The following PAX5 variants were observed in gnomAD, a reference collection of about 807,000 sequenced individuals.
The protein encoded by PAX5 is paired box 5.
Under a neutral mutation model 43.7 loss-of-function variants are expected in PAX5, and 9 were observed. That is an observed-to-expected ratio of 0.21 (90% CI 0.12 to 0.36). PAX5 has a LOEUF of 0.36. Ranked by LOEUF, PAX5 falls within the 10% of genes least tolerant of loss-of-function variation. The pLI, the probability that PAX5 is intolerant of heterozygous loss-of-function variation, is 1.00. For missense variants in PAX5, 383 were observed against 532.7 expected (o/e 0.72, Z 2.77); for synonymous variants, 228 against 214.3 (o/e 1.06, Z -0.56).
At chr9:36,991,863 T>C (rs996686565) in intron 5 of PAX5, among the ~76,000 whole-genome samples, 2 of 152,210 alleles carry the variant, frequency 1.3e-5, no homozygotes, top group Non-Finnish European at 1.5e-5. Context: ...TTTCCTCTCA[T>C]AGATCAGTTA....
chr9:36,944,650 C>T (rs901421017), intron 6 of PAX5, among the ~76,000 whole-genome samples: 3 of 152,108 alleles, frequency 2.0e-5, no homozygotes, highest in Non-Finnish European at 4.4e-5. Context: ...GAATTTCTCC[C>T]CAAAACCCCC....
intron 8 of PAX5, among the ~76,000 whole-genome samples, chr9:36,870,114 A>G (rs200142091): frequency 9.3e-4 from 7 of 7,554 alleles, no homozygotes; most frequent in Non-Finnish European, 1.2e-3. Flanking sequence ...ATGGATGGAT[A>G]AATGGATGGA....
chr9:36,960,485 G>A (rs1282585810), intron 6 of PAX5, among the ~76,000 whole-genome samples: 1 of 152,168 alleles, frequency 6.6e-6, no homozygotes, highest in Non-Finnish European at 1.5e-5. Context: ...GGGCGTGATG[G>A]GGATGAAGGT....
intron 6 of PAX5, among the ~76,000 whole-genome samples, chr9:36,937,049 G>A (rs1383654928): frequency 4.6e-5 from 7 of 152,114 alleles, no homozygotes; most frequent in Admixed American, 4.6e-4. Flanking sequence ...GAAAGAGAAG[G>A]CTGCAAAGGC....
At position 36,837,228 on chromosome 9, in the gene PAX5, C is replaced by T. The variant is rs1225933608; in HGVS notation, c.*3332G>A. ...CGTGAGAGCCCCAAATGTCAATTTC[C>T]CCGTCTATAAAGTAGGCATCATGCT... is the stretch of plus-strand genomic sequence containing the variant. On this transcript the variant is annotated 3_prime_UTR_variant, in exon 10 of 10. Transcript: ENST00000358127. The T allele has an allele frequency of 1.7e-5, 4 of 233,050 alleles. No homozygotes were observed. The East Asian group carries it at 2.4e-4, about 14-fold the overall frequency. The allele number at this position is 233,050 out of a possible 1,614,324, so 14.4% of individuals were successfully genotyped here.
chr9:37,010,459 G>A (rs1838827372), intron 3 of PAX5, among the ~76,000 whole-genome samples: 1 of 152,258 alleles, frequency 6.6e-6, no homozygotes, highest in South Asian at 2.1e-4. Flanking sequence ...CGGTCCCTCT[G>A]CTAAATACTT....
chr9:36,882,419 GC>G lies in PAX5; in HGVS notation c.911-315del, dbSNP rs1826526391. On this transcript the variant is annotated intron_variant, in intron 7 of 9. Transcript: ENST00000358127. The surrounding 1 kb of genome is among the most constrained non-coding windows in gnomAD (Gnocchi z 4.4). ...GGCTAGGCAATGCAGGTGACAGCAC[GC>G]CCCGACTCCAGCCAGCTCTCCCTAC... Among the ~76,000 whole-genome samples, 1 of 152,048 alleles carries G rather than the reference GC, an allele frequency of 6.6e-6. No individual in the cohort carries two copies. The highest frequency in any genetic ancestry group is 3.2e-3 in the Middle Eastern group (1 of 316).
At position 36,924,892 on chromosome 9, in the gene PAX5, G is replaced by A. The variant is rs576458107; in HGVS notation, c.781-1408C>T. Among the ~76,000 whole-genome samples the A allele has an allele frequency of 3.0e-4, 45 of 152,176 alleles. 1 individual carries two copies. The South Asian group carries it at 9.0e-3, about 30-fold the overall frequency. ...AACACTTAAGCCAACAAATTTGTTT[G>A]TGCATGTGAAGATTTTATGTGGGGA... On this transcript the variant is annotated intron_variant, in intron 6 of 9. Coordinates refer to ENST00000358127, the MANE Select transcript of PAX5 (RefSeq NM_016734.3).
intron 5 of PAX5, among the ~76,000 whole-genome samples, chr9:36,989,789 T>C (rs1199128267): frequency 1.3e-5 from 2 of 152,204 alleles, no homozygotes; most frequent in Non-Finnish European, 2.9e-5. Flanking sequence ...CTCCACTCAT[T>C]CCCCAGATGA....
chr9:36,889,941 CG>C (rs68091267), intron 7 of PAX5, among the ~76,000 whole-genome samples: 12,688 of 91,794 alleles, frequency 0.14, 1,044 homozygotes, highest in African/African-American at 0.3. Context: ...TGTACACTAA[CG>C]GGGGGGGGGG....
At chr9:36,906,846 T>G (rs10123925) in intron 7 of PAX5, among the ~76,000 whole-genome samples, 2 of 151,988 alleles carry the variant, frequency 1.3e-5, no homozygotes, top group Admixed American at 6.6e-5. Context: ...TTCATCTACA[T>G]AGTGAGTTCT....
chr9:37,032,996 A>AGT (rs201878850), intron 1 of PAX5, among the ~76,000 whole-genome samples: 2 of 152,196 alleles, frequency 1.3e-5, no homozygotes, highest in East Asian at 3.8e-4. Flanking sequence ...CTGAGGACAC[A>AGT]GTGTGTGTGT....
chr9:37,025,853 T>C (rs2132532360), intron 1 of PAX5, among the ~76,000 whole-genome samples: 1 of 152,336 alleles, frequency 6.6e-6, no homozygotes, highest in East Asian at 1.9e-4. Flanking sequence ...TTATCCTCTT[T>C]TTTTAAAGGG....
chr9:36,980,751 G>A (rs185971746), intron 5 of PAX5, among the ~76,000 whole-genome samples: 1 of 152,260 alleles, frequency 6.6e-6, no homozygotes, highest in East Asian at 1.9e-4. Context: ...CAGAGAAGGG[G>A]GCAGGTTCGG....
At chr9:36,859,541 G>C (rs1823994337) in intron 8 of PAX5, among the ~76,000 whole-genome samples, 1 of 152,072 alleles carries the variant, frequency 6.6e-6, no homozygotes, top group Non-Finnish European at 1.5e-5. Context: ...CATTCCTTTG[G>C]GGTTCTCTCT....
At chr9:36,907,354 TC>T (rs1828910401) in intron 7 of PAX5, among the ~76,000 whole-genome samples, 1 of 152,142 alleles carries the variant, frequency 6.6e-6, no homozygotes, top group Non-Finnish European at 1.5e-5. Flanking sequence ...TAAAGCTTCC[TC>T]CCCGTGGCTT....
chr9:36,901,128 C>T (rs1828350576), intron 7 of PAX5, among the ~76,000 whole-genome samples: 1 of 152,162 alleles, frequency 6.6e-6, no homozygotes, highest in East Asian at 1.9e-4. Flanking sequence ...CACCCTCTGT[C>T]AAGACCCCAC....
chr9:36,862,096 G>C (rs1824271372), intron 8 of PAX5, among the ~76,000 whole-genome samples: 1 of 152,194 alleles, frequency 6.6e-6, no homozygotes, highest in Admixed American at 6.5e-5. Flanking sequence ...GCAGCTGGTA[G>C]AGGGAAAGCA....
rs1174640596 is a variant in PAX5, at chr9:37,015,578, T to C, written c.213-384A>G. Among the ~76,000 whole-genome samples the C allele has an allele frequency of 1.3e-5, 2 of 151,936 alleles. No homozygotes were observed. Among genetic ancestry groups the C allele is most frequent in the African/African-American group, 4.8e-5 (2 of 41,316 alleles). ...TAAATTGCATACACAGCTCTCATAG[T>C]ATTTCTTTTTTTTTTTTTCAGACGG... On this transcript the variant is annotated intron_variant, in intron 2 of 9. Transcript: ENST00000358127. This position sits in a 1 kb window ranked among gnomAD's most constrained non-coding sequence, Gnocchi z 4.4.
Sources: gnomAD v4.1 joint callset for allele counts (sites outside exome capture counted in the v4.1 genomes callset) on GRCh38, gnomAD v4.1.1 for gene constraint, Gnocchi (gnomAD v3.1) non-coding constraint, MANE v1.5 for transcripts, NCBI Gene and HGNC (gene_info 2026-07-23, HGNC 2026-07-21) for gene names.